BMP7: variants seen among roughly 807,000 people sequenced by gnomAD.
BMP7 encodes the protein osteogenic protein 1.
In BMP7, 12 loss-of-function variants were observed where a neutral mutation model predicts 41.2. The ratio of observed to expected loss-of-function variants is 0.29; its 90% CI spans 0.19 to 0.47. The LOEUF (loss-of-function observed/expected upper bound fraction) is 0.47, where lower values mean the gene tolerates loss of function less well. Ranked by LOEUF, BMP7 falls within the 20% of genes least tolerant of loss-of-function variation. BMP7 has a pLI of 0.99. For synonymous variants in BMP7, 248 were observed against 250.0 expected, an observed-to-expected ratio of 0.99 and a Z score of 0.07; for missense variants, 467 against 606.0, an observed-to-expected ratio of 0.77 and a Z score of 2.41.
At chr20:57,211,928 A>G (rs1284458002) in intron 2 of BMP7, among the ~76,000 whole-genome samples, 1 of 152,206 alleles carries the variant, frequency 6.6e-6, no homozygotes, top group Non-Finnish European at 1.5e-5. Flanking sequence ...TAAGCCACTA[A>G]GTTGGCGGTC....
chr20:57,255,799 CAAAAAAAAAAAAA>C (rs3067106), intron 1 of BMP7, among the ~76,000 whole-genome samples: 2 of 48,620 alleles, frequency 4.1e-5, no homozygotes, highest in South Asian at 3.0e-3. Flanking sequence ...GACTCCATCT[CAAAAAAAAAAAAA>C]AAAAAAAAAA....
At chr20:57,195,944 G>T (rs549811737) in intron 3 of BMP7, among the ~76,000 whole-genome samples, 2 of 152,296 alleles carry the variant, frequency 1.3e-5, no homozygotes, top group African/African-American at 4.8e-5. Context: ...GGAGCTCAGG[G>T]TATGGACAGC....
intron 3 of BMP7, among the ~76,000 whole-genome samples, chr20:57,189,378 G>A (rs746614443): frequency 3.3e-5 from 5 of 152,142 alleles, no homozygotes; most frequent in South Asian, 2.1e-4. Context: ...TGCAAGGCCC[G>A]GTGCAAAATG....
chr20:57,225,940 A>G (rs1368200414), intron 2 of BMP7: 4 of 471,136 alleles, frequency 8.5e-6, no homozygotes, highest in Admixed American at 7.0e-5. Flanking sequence ...GCCCTCAGGC[A>G]TGGCATGCAG....
intron 4 of BMP7, among the ~76,000 whole-genome samples, chr20:57,177,149 T>C (rs1212451581): frequency 6.6e-6 from 1 of 151,888 alleles, no homozygotes; most frequent in Non-Finnish European, 1.5e-5. Context: ...AGAACAATTG[T>C]GGAATGAAAT....
chr20:57,180,678 G>T (rs1481542442), intron 4 of BMP7, among the ~76,000 whole-genome samples: 5 of 152,160 alleles, frequency 3.3e-5, no homozygotes, highest in Admixed American at 3.3e-4. Flanking sequence ...AAGGAATTTG[G>T]TTGGTTTTTG....
At chr20:57,184,239 A>C (rs946584559) in intron 3 of BMP7, among the ~76,000 whole-genome samples, 2 of 152,198 alleles carry the variant, frequency 1.3e-5, no homozygotes, top group African/African-American at 4.8e-5. Context: ...TGCCACTCAC[A>C]TTCCATTGGC....
chr20:57,191,941 TTA>T (rs1984369758), intron 3 of BMP7, among the ~76,000 whole-genome samples: 1 of 130,572 alleles, frequency 7.7e-6, no homozygotes, highest in Non-Finnish European at 1.5e-5. Context: ...TTATAGTATA[TTA>T]TATAATATAG....
In BMP7 at chr20:57,214,335, C is replaced by A. The variant is rs902538019; in HGVS notation, c.612-11712G>T. Among the ~76,000 whole-genome samples, 4 of 152,180 alleles carry A rather than the reference C, an allele frequency of 2.6e-5. No individual in the cohort carries two copies. The highest frequency in any genetic ancestry group is 4.4e-5 in the Non-Finnish European group (3 of 68,022). On this transcript the variant is annotated intron_variant, in intron 2 of 6. Transcript: ENST00000395863. The surrounding 1 kb of genome is among the most constrained non-coding windows in gnomAD (Gnocchi z 4.0). ...GCCCCAGCAGCTTGCAGGGGCTGAG[C>A]AATTAACTTCCCTGCCTCAAACCCT...
chr20:57,248,406 A>G (rs2066098432), intron 1 of BMP7, among the ~76,000 whole-genome samples: 1 of 152,214 alleles, frequency 6.6e-6, no homozygotes, highest in Admixed American at 6.5e-5. Context: ...ACAGGGGCTT[A>G]CACACAGTTT....
chr20:57,263,828 A>G (rs1176594139), intron 1 of BMP7, among the ~76,000 whole-genome samples: 2 of 152,210 alleles, frequency 1.3e-5, no homozygotes, highest in Non-Finnish European at 2.9e-5. Flanking sequence ...TCACAAATAC[A>G]GAAGTGCAGA....
In BMP7 at chr20:57,262,579, G is replaced by T. The variant is rs1203690601; in HGVS notation, c.418+3126C>A. The stretch of plus-strand genomic sequence containing the variant: ...CCAGTTTGGCGGCAGACAGAAGGAA[G>T]AATAAATGCACCAGGTCTGCAAAAG... On this transcript the variant is annotated intron_variant, in intron 1 of 6. Coordinates refer to ENST00000395863, the MANE Select transcript of BMP7 (RefSeq NM_001719.3). Among the ~76,000 whole-genome samples the T allele has an allele frequency of 2.0e-5, 3 of 152,222 alleles. No individual in the cohort carries two copies. The East Asian group carries it at 5.8e-4, about 29-fold the overall frequency.
intron 1 of BMP7, among the ~76,000 whole-genome samples, chr20:57,263,643 C>A (rs1342309352): frequency 6.6e-6 from 1 of 152,174 alleles, no homozygotes; most frequent in Non-Finnish European, 1.5e-5. Flanking sequence ...CAGTGGGAGT[C>A]CGGGGTACCC....
rs36113686 is a variant in BMP7, at chr20:57,226,824, CTTTTT to C, written c.611+1400_611+1404del. ...TGAACATGTCTTGCCTACTCAAAAACTTTTTTTTTTTTTTTTTTTTGAGAAAGAGT... is the reference window on the plus strand; with the variant it reads ...TGAACATGTCTTGCCTACTCAAAAACTTTTTTTTTTTTTTTGAGAAAGAGT... On this transcript the variant is annotated intron_variant, in intron 2 of 6. Transcript: ENST00000395863. Among the ~76,000 whole-genome samples the C allele has an allele frequency of 7.3e-5, 9 of 123,182 alleles. No homozygotes were observed. The Admixed American group carries it at 7.7e-4, about 10-fold the overall frequency. 80.8% of individuals were successfully genotyped at this position (123,182 alleles called of 152,430 possible).
At position 57,181,057 on chromosome 20, in the gene BMP7, G is replaced by C. The variant is rs549041527; in HGVS notation, c.958+2665C>G. Among the ~76,000 whole-genome samples, 16 of 152,300 alleles carry C rather than the reference G, an allele frequency of 1.1e-4. No homozygotes were observed. The South Asian group carries it at 3.3e-3, about 32-fold the overall frequency. On this transcript the variant is annotated intron_variant, in intron 4 of 6. Transcript: ENST00000395863. Reference sequence around the variant, plus strand: ...CTGGGACCAACCGCAGGCCCCGGAGGTGATAAGCAGCTAATAGCTTCCCAC... The same window carrying C: ...CTGGGACCAACCGCAGGCCCCGGAGCTGATAAGCAGCTAATAGCTTCCCAC...
At chr20:57,179,605 C>A (rs1984027297) in intron 4 of BMP7, among the ~76,000 whole-genome samples, 1 of 152,246 alleles carries the variant, frequency 6.6e-6, no homozygotes, top group South Asian at 2.1e-4. Context: ...CGCCCCAGCA[C>A]ACACAGGGCT....
At position 57,173,330 on chromosome 20, in the gene BMP7, G is replaced by A. The variant is rs1983852703; in HGVS notation, c.1036-20C>T. The A allele has an allele frequency of 2.4e-5, 38 of 1,609,220 alleles. No homozygotes were observed. Among genetic ancestry groups the A allele is most frequent in the Non-Finnish European group, 3.2e-5 (38 of 1,175,832 alleles). On this transcript the variant is annotated intron_variant, in intron 5 of 6. Coordinates refer to ENST00000395863, the MANE Select transcript of BMP7 (RefSeq NM_001719.3). ...CCAGTCCTGAGGAGGAGAAGAGAGT[G>A]TGGGAAACCATGCAGAAGGCCTGAG...
chr20:57,227,008 G>A (rs1265275175), intron 2 of BMP7, among the ~76,000 whole-genome samples: 2 of 152,030 alleles, frequency 1.3e-5, no homozygotes, highest in Non-Finnish European at 2.9e-5. Context: ...TCTATTTTTA[G>A]TAGAGACGGG....
chr20:57,177,491 G>A (rs951841832), intron 4 of BMP7, among the ~76,000 whole-genome samples: 1 of 152,094 alleles, frequency 6.6e-6, no homozygotes. Context: ...GAGACTATAG[G>A]CACTCATCAC....
Sources: gnomAD v4.1 joint callset for allele counts (sites outside exome capture counted in the v4.1 genomes callset) on GRCh38, gnomAD v4.1.1 for gene constraint, Gnocchi (gnomAD v3.1) non-coding constraint, MANE v1.5 for transcripts, NCBI Gene and HGNC (gene_info 2026-07-23, HGNC 2026-07-21) for gene names.